The following HIBADH variants were observed in gnomAD, a reference collection of about 807,000 sequenced individuals.
The protein encoded by HIBADH is 3-hydroxyisobutyrate dehydrogenase, also known as 3-hydroxyisobutyrate dehydrogenase, mitochondrial.
Under a neutral mutation model 36.1 loss-of-function variants are expected in HIBADH, and 25 were observed. The ratio of observed to expected loss-of-function variants is 0.69; its 90% CI spans 0.50 to 0.97. The LOEUF (loss-of-function observed/expected upper bound fraction) is 0.97, where lower values mean the gene tolerates loss of function less well. HIBADH is among the 50% of genes least tolerant of loss of function. The pLI, the probability that HIBADH is intolerant of heterozygous loss-of-function variation, is 0.00. For missense variants in HIBADH, 421 were observed against 418.0 expected (o/e 1.01, Z -0.06); for synonymous variants, 160 against 149.5 (o/e 1.07, Z -0.51).
At chr7:27,567,139 A>G (rs913698563) in intron 4 of HIBADH, among the ~76,000 whole-genome samples, 12 of 152,132 alleles carry the variant, frequency 7.9e-5, no homozygotes, top group Non-Finnish European at 1.5e-4. Flanking sequence ...GAAGTCTCCA[A>G]TAATAATTGT....
intron 4 of HIBADH, among the ~76,000 whole-genome samples, chr7:27,573,491 C>CAAAG (rs369932511): frequency 9.2e-5 from 14 of 152,148 alleles, no homozygotes; most frequent in African/African-American, 3.4e-4. Context: ...TTCTTGAGAG[C>CAAAG]AAAGACCATG....
chr7:27,536,825 A>G (rs1218926772), intron 6 of HIBADH, among the ~76,000 whole-genome samples: 2 of 152,194 alleles, frequency 1.3e-5, no homozygotes, highest in Non-Finnish European at 2.9e-5. Flanking sequence ...CAAGGTGAGA[A>G]GCACAGAGTC....
intron 1 of HIBADH, 40 bp from the exon 2 acceptor site, chr7:27,649,673 T>C: frequency 6.8e-7 from 1 of 1,480,300 alleles, no homozygotes; most frequent in Non-Finnish European, 9.1e-7. Context: ...GCAAATAACA[T>C]TTTTTATTGT....
chr7:27,543,658 G>A (rs1430037673), intron 4 of HIBADH, among the ~76,000 whole-genome samples: 2 of 152,094 alleles, frequency 1.3e-5, no homozygotes, highest in Non-Finnish European at 2.9e-5. Flanking sequence ...TTTAAGGCAA[G>A]GAAAACTTTG....
At chr7:27,642,134 T>A (rs187817758) in intron 2 of HIBADH, among the ~76,000 whole-genome samples, 6 of 152,180 alleles carry the variant, frequency 3.9e-5, no homozygotes, top group Non-Finnish European at 7.4e-5. Context: ...CAGTGACATA[T>A]TGCAAGGAAG....
chr7:27,586,231 A>G (rs1784859897), intron 4 of HIBADH, among the ~76,000 whole-genome samples: 1 of 152,254 alleles, frequency 6.6e-6, no homozygotes, highest in African/African-American at 2.4e-5. Flanking sequence ...TTTCCATTCC[A>G]ACTGATAGTC....
At chr7:27,609,974 A>C (rs1457463716) in intron 4 of HIBADH, among the ~76,000 whole-genome samples, 1 of 151,590 alleles carries the variant, frequency 6.6e-6, no homozygotes, top group South Asian at 2.1e-4. Context: ...GCACCACCAC[A>C]CCCGGCTAAT....
intron 3 of HIBADH, among the ~76,000 whole-genome samples, chr7:27,630,126 T>TAC (rs1281684824): frequency 2.0e-5 from 3 of 152,188 alleles, no homozygotes; most frequent in African/African-American, 7.2e-5. Flanking sequence ...CTTATATATA[T>TAC]ACACTATAAG....
At chr7:27,618,057 C>A (rs1333816503) in intron 4 of HIBADH, among the ~76,000 whole-genome samples, 5 of 152,156 alleles carry the variant, frequency 3.3e-5, no homozygotes, top group Non-Finnish European at 7.4e-5. Flanking sequence ...ACTCCAAGCC[C>A]AGCAATTCAC....
At position 27,574,952 on chromosome 7, in the gene HIBADH, G is replaced by A. The variant is rs375970114; in HGVS notation, c.485-31852C>T. ...CAGTGATATTATAAAGCAGGTAATC[G>A]AGAAGGGCAAGCTGACTACTATTCT... On this transcript the variant is annotated intron_variant, in intron 4 of 7. Transcript: ENST00000265395. 4.1e-4 allele frequency among the ~76,000 whole-genome samples: 63 copies of A among 152,238 alleles called. 1 individual carries two copies. The highest frequency in any genetic ancestry group is 3.9e-3 in the Admixed American group (60 of 15,280).
At chr7:27,534,386 A>G (rs1406988407) in intron 6 of HIBADH, among the ~76,000 whole-genome samples, 1 of 152,116 alleles carries the variant, frequency 6.6e-6, no homozygotes, top group African/African-American at 2.4e-5. Context: ...TTATCCATCA[A>G]TGTTTACTCA....
chr7:27,636,921 C>A (rs1785850980), intron 2 of HIBADH, among the ~76,000 whole-genome samples: 1 of 152,180 alleles, frequency 6.6e-6, no homozygotes, highest in Non-Finnish European at 1.5e-5. Context: ...TATCTTCATT[C>A]TTTCATTTAG....
At chr7:27,557,981 C>T (rs769039217) in intron 4 of HIBADH, among the ~76,000 whole-genome samples, 23 of 152,136 alleles carry the variant, frequency 1.5e-4, no homozygotes, top group Non-Finnish European at 3.1e-4. Context: ...CATGTGTTTA[C>T]CTCTTCTTGA....
chr7:27,552,690 CTG>C (rs139243342), intron 4 of HIBADH, among the ~76,000 whole-genome samples: 4 of 152,270 alleles, frequency 2.6e-5, no homozygotes, highest in African/African-American at 9.6e-5. Flanking sequence ...AATCCAGAAA[CTG>C]TATTTCACAA....
chr7:27,610,614 A>C (rs1785306770), intron 4 of HIBADH, among the ~76,000 whole-genome samples: 1 of 152,134 alleles, frequency 6.6e-6, no homozygotes, highest in South Asian at 2.1e-4. Flanking sequence ...TGAGAGTATC[A>C]AAAAAAGACC....
At chr7:27,648,019 C>T (rs560365020) in intron 2 of HIBADH, among the ~76,000 whole-genome samples, 1 of 152,114 alleles carries the variant, frequency 6.6e-6, no homozygotes, top group African/African-American at 2.4e-5. Flanking sequence ...GATCAAGTAC[C>T]CTTGTTACTC....
intron 4 of HIBADH, among the ~76,000 whole-genome samples, chr7:27,572,432 T>C (rs1022471593): frequency 2.6e-5 from 4 of 152,164 alleles, no homozygotes; most frequent in Admixed American, 6.5e-5. Flanking sequence ...AAAGAGTGAT[T>C]TCCATTGTAT....
chr7:27,602,577 CTT>C (rs1785149099), intron 4 of HIBADH, among the ~76,000 whole-genome samples: 1 of 152,036 alleles, frequency 6.6e-6, no homozygotes, highest in Admixed American at 6.6e-5. Flanking sequence ...TTTCCTTAGT[CTT>C]TTAGTTTTTA....
chr7:27,561,514 T>C (rs937814393), intron 4 of HIBADH, among the ~76,000 whole-genome samples: 20 of 152,200 alleles, frequency 1.3e-4, no homozygotes, highest in Admixed American at 6.5e-4. Flanking sequence ...GATTCATTGA[T>C]GCTGGAGACT....
Sources: gnomAD v4.1 joint callset for allele counts (sites outside exome capture counted in the v4.1 genomes callset) on GRCh38, gnomAD v4.1.1 for gene constraint, MANE v1.5 for transcripts, NCBI Gene and HGNC (gene_info 2026-07-23, HGNC 2026-07-21) for gene names.